Variants in CNTN4 observed in about 807,000 individuals in gnomAD.
The protein encoded by CNTN4 is contactin-4.
Under a neutral mutation model 122.5 loss-of-function variants are expected in CNTN4, and 77 were observed. The ratio of observed to expected loss-of-function variants is 0.63; its 90% CI spans 0.52 to 0.76. CNTN4 has a LOEUF of 0.76. Among genes scored for constraint, CNTN4 ranks in the 30% least tolerant of loss-of-function variants. The pLI, the probability that CNTN4 is intolerant of heterozygous loss-of-function variation, is 0.00. For missense variants in CNTN4, 1,256 were observed against 1,259.1 expected (o/e 1.00, Z 0.04); for synonymous variants, 512 against 447.0 (o/e 1.15, Z -1.83).
rs373263136 is a variant in CNTN4, at chr3:2,902,896, A to G, written c.1098A>G (p.Gln366=). 1.2e-6 allele frequency: 2 copies of G among 1,613,602 alleles called. No homozygotes were observed. Among genetic ancestry groups the G allele is most frequent in the Non-Finnish European group, 1.7e-6 (2 of 1,179,800 alleles). ...CACAGGATAGAATTCAAATTGAGCA[A>G]GGAACACTCAACATAACAATAGTGA... ...LLTRDRIQIE[Q]GTLNITIVNL... is the part of the protein sequence containing the mutation. The change falls in exon 12 of 25, where the codon CAA becomes CAG. Residue 366 remains glutamine (Q), a synonymous_variant. Coordinates refer to ENST00000418658, the MANE Select transcript of CNTN4 (RefSeq NM_175607.3).
At chr3:2,161,300 AAAT>A (rs1482891229) in intron 2 of CNTN4, among the ~76,000 whole-genome samples, 1 of 152,114 alleles carries the variant, frequency 6.6e-6, no homozygotes, top group Non-Finnish European at 1.5e-5. Context: ...CATTATAAGA[AAAT>A]AAATGGAATG....
intron 2 of CNTN4, chr3:2,132,451 C>G (rs533625072): frequency 6.6e-6 from 1 of 152,238 alleles, no homozygotes; most frequent in East Asian, 1.9e-4. Flanking sequence ...AACAGGTTTG[C>G]TGTGAAGAAG....
At chr3:2,585,320 C>T (rs1344689560) in intron 4 of CNTN4, among the ~76,000 whole-genome samples, 1 of 151,042 alleles carries the variant, frequency 6.6e-6, no homozygotes, top group Non-Finnish European at 1.5e-5. Flanking sequence ...ACCATTTGAC[C>T]CAGCCATCCC....
intron 6 of CNTN4, among the ~76,000 whole-genome samples, chr3:2,797,981 T>C (rs755433570): frequency 6.6e-6 from 1 of 151,046 alleles, no homozygotes; most frequent in Non-Finnish European, 1.5e-5. Context: ...TTCATGGATA[T>C]ATCCTGTAGT....
At chr3:2,580,216 G>C (rs779170754) in intron 4 of CNTN4, among the ~76,000 whole-genome samples, 1 of 152,172 alleles carries the variant, frequency 6.6e-6, no homozygotes, top group Non-Finnish European at 1.5e-5. Flanking sequence ...AGCAACAACA[G>C]CAAACCAGTG....
At chr3:2,643,468 A>T (rs1256382770) in intron 4 of CNTN4, among the ~76,000 whole-genome samples, 1 of 152,082 alleles carries the variant, frequency 6.6e-6, no homozygotes, top group Non-Finnish European at 1.5e-5. Flanking sequence ...CACAGTGCCC[A>T]GCCGGAAAGC....
intron 4 of CNTN4, among the ~76,000 whole-genome samples, chr3:2,723,174 A>C (rs1232390657): frequency 6.6e-6 from 1 of 152,188 alleles, no homozygotes; most frequent in Non-Finnish European, 1.5e-5. Context: ...GGTACTATGA[A>C]AAACATTTCA....
intron 6 of CNTN4, among the ~76,000 whole-genome samples, chr3:2,759,750 T>C (rs1421416997): frequency 6.6e-6 from 1 of 152,018 alleles, no homozygotes. Flanking sequence ...TTTGAGCAAC[T>C]GTCAAATTAT....
chr3:2,600,363 A>C (rs544682514), intron 4 of CNTN4, among the ~76,000 whole-genome samples: 10 of 151,876 alleles, frequency 6.6e-5, no homozygotes, highest in African/African-American at 1.2e-4. Context: ...CCCGCACCCC[A>C]CAACAGGCCC....
In CNTN4 at chr3:2,197,122, A is replaced by G. The variant is rs73099909; in HGVS notation, c.-145+96483A>G. On this transcript the variant is annotated intron_variant, in intron 2 of 24. Coordinates refer to ENST00000418658, the MANE Select transcript of CNTN4 (RefSeq NM_175607.3). Reference sequence around the variant, plus strand: ...AACTATTTCATTAGCAAATCAAGGAAGAAACTTTCTTGAAGTTATAGCGAC... The same window carrying G: ...AACTATTTCATTAGCAAATCAAGGAGGAAACTTTCTTGAAGTTATAGCGAC... Among the ~76,000 whole-genome samples, 643 of 152,120 alleles carry G rather than the reference A, an allele frequency of 4.2e-3. 4 individuals carry two copies. Among genetic ancestry groups the G allele is most frequent in the African/African-American group, 0.015 (618 of 41,522 alleles).
In CNTN4 at chr3:2,101,067, G is replaced by A. The variant is rs146471415; in HGVS notation, c.-145+428G>A. Among the ~76,000 whole-genome samples, 1,005 of 152,268 alleles carry A rather than the reference G, an allele frequency of 6.6e-3. 19 individuals carry two copies. The highest frequency in any genetic ancestry group is 0.023 in the African/African-American group (973 of 41,526). ...GTTGTAAAACTTTTCAAGTCAATTGGGAGTCAATGCAGTACCTTTTTCCAT... is the reference window on the plus strand; with the variant it reads ...GTTGTAAAACTTTTCAAGTCAATTGAGAGTCAATGCAGTACCTTTTTCCAT... On this transcript the variant is annotated intron_variant, in intron 2 of 24. Coordinates refer to ENST00000418658, the MANE Select transcript of CNTN4 (RefSeq NM_175607.3).
At chr3:2,616,216 A>C (rs1336113280) in intron 4 of CNTN4, among the ~76,000 whole-genome samples, 3 of 150,272 alleles carry the variant, frequency 2.0e-5, no homozygotes, top group South Asian at 4.3e-4. Flanking sequence ...TCATTGTTCA[A>C]CTCCCACTTA....
chr3:2,368,069 G>T, intron 3 of CNTN4, among the ~76,000 whole-genome samples: 1 of 129,166 alleles, frequency 7.7e-6, no homozygotes, highest in Admixed American at 9.3e-5. Context: ...GTGTCGCTCT[G>T]TCGCCCAGGC....
chr3:2,796,818 G>A (rs572477528), intron 6 of CNTN4, among the ~76,000 whole-genome samples: 1 of 152,282 alleles, frequency 6.6e-6, no homozygotes, highest in East Asian at 1.9e-4. Flanking sequence ...TTCTATTGCT[G>A]TATTCCCAAA....
intron 2 of CNTN4, among the ~76,000 whole-genome samples, chr3:2,120,708 A>G (rs1480744097): frequency 6.6e-6 from 1 of 151,942 alleles, no homozygotes; most frequent in African/African-American, 2.4e-5. Context: ...TGGCTGATAA[A>G]TAATTTTTTA....
intron 7 of CNTN4, among the ~76,000 whole-genome samples, chr3:2,840,775 T>C (rs1045982505): frequency 2.6e-5 from 4 of 152,002 alleles, no homozygotes; most frequent in Non-Finnish European, 5.9e-5. Flanking sequence ...CTCCCAATTT[T>C]TAAGCGAGAC....
chr3:2,739,351 G>A (rs920605853), intron 5 of CNTN4, among the ~76,000 whole-genome samples: 8 of 151,236 alleles, frequency 5.3e-5, no homozygotes, highest in African/African-American at 1.7e-4. Flanking sequence ...AAAGGTGCAC[G>A]TACTCTATGA....
At chr3:2,918,024 T>C (rs754554033) in intron 12 of CNTN4, among the ~76,000 whole-genome samples, 1 of 152,216 alleles carries the variant, frequency 6.6e-6, no homozygotes, top group Admixed American at 6.5e-5. Flanking sequence ...GTACTTAGTG[T>C]AAGGCGTGTT....
At chr3:2,508,981 A>C (rs575158603) in intron 3 of CNTN4, among the ~76,000 whole-genome samples, 2 of 152,346 alleles carry the variant, frequency 1.3e-5, no homozygotes, top group Admixed American at 6.5e-5. Context: ...GTTAGTAATT[A>C]ACACCTACCA....
Sources: gnomAD v4.1 joint callset for allele counts (sites outside exome capture counted in the v4.1 genomes callset) on GRCh38, gnomAD v4.1.1 for gene constraint, MANE v1.5 for transcripts, NCBI Gene and HGNC (gene_info 2026-07-23, HGNC 2026-07-21) for gene names.